Variants in COMMD3 observed in about 807,000 individuals in gnomAD.
COMMD3 encodes COMM domain containing 3.
Under a neutral mutation model 31.2 loss-of-function variants are expected in COMMD3, and 31 were observed. The observed-to-expected ratio is 0.99, with a 90% CI of 0.75 to 1.34. COMMD3 has a LOEUF of 1.34. COMMD3 is among the 40% of genes most tolerant of loss of function. The probability of loss-of-function intolerance (pLI) is 0.00; values close to 1 mark genes in which losing one functional copy is unlikely to be tolerated. For synonymous variants in COMMD3, 108 were observed against 87.3 expected (o/e 1.24, Z -1.32); for missense variants, 274 against 236.9 (o/e 1.16, Z -1.03).
Position 22,318,257 on chromosome 10 carries a change from C to CT in COMMD3, c.316-9dup. On this transcript the variant is annotated splice_polypyrimidine_tract_variant and intron_variant, in intron 3 of 7. Transcript: ENST00000376836. ...TTTTTTTTTCTTTCTTTCTTGCTTT[C>CT]TTTTTTCTCTCCAGAATAATAAGAA... 6.3e-7 allele frequency: 1 copy of CT among 1,599,612 alleles called. No homozygotes were observed. Among genetic ancestry groups the CT allele is most frequent in the Non-Finnish European group, 8.5e-7 (1 of 1,176,198 alleles).
intron 1 of COMMD3, chr10:22,317,674 G>T: frequency 4.9e-6 from 2 of 411,390 alleles, no homozygotes; most frequent in Non-Finnish European, 8.8e-6. Context: ...GTTAATTGAA[G>T]CTAGTAATAG....
chr10:22,318,582 C>A, intron 4 of COMMD3, 71 bp from the exon 5 acceptor site: 2 of 1,372,552 alleles, frequency 1.5e-6, no homozygotes, highest in Non-Finnish European at 1.0e-6. Context: ...TAGAGCCATT[C>A]TTAGTAAATA....
At chr10:22,319,051 T>TTTA in intron 7 of COMMD3, 33 bp downstream of exon 7, 1 of 1,557,642 alleles carries the variant, frequency 6.4e-7, no homozygotes, top group East Asian at 2.3e-5. Context: ...TATTCCTGTC[T>TTTA]TTTTATAAAT....
chr10:22,318,244 T>G (rs760088268), intron 3 of COMMD3, 28 bp from the exon 4 acceptor site: 1 of 1,594,408 alleles, frequency 6.3e-7, no homozygotes, highest in South Asian at 1.2e-5. Context: ...TTTTTTTCTT[T>G]CTTTCTTGCT....
At position 22,319,919 on chromosome 10, in the gene COMMD3, A is replaced by T. The variant is rs1359830599; in HGVS notation, c.529-20A>T. ...CCATGTTTTATCCTAAAAACGTGGT[A>T]TTGTATACACGTCTTTTAGGACTTG... On this transcript the variant is annotated intron_variant, in intron 7 of 7. Transcript: ENST00000376836. 2 of 1,613,642 alleles carry T rather than the reference A, an allele frequency of 1.2e-6. No individual in the cohort carries two copies. The highest frequency in any genetic ancestry group is 2.7e-5 in the African/African-American group (2 of 74,864).
intron 1 of COMMD3, chr10:22,317,420 AT>A (rs1383724076): frequency 6.6e-6 from 1 of 152,372 alleles, no homozygotes; most frequent in Non-Finnish European, 1.5e-5. Context: ...TAATTTTGAA[AT>A]TTGTATCTTA....
At chr10:22,317,692 C>T in intron 1 of COMMD3, 192 bp from the exon 2 acceptor site, 1 of 513,060 alleles carries the variant, frequency 1.9e-6, no homozygotes, top group Non-Finnish European at 3.4e-6. Flanking sequence ...TAGTAGAGTT[C>T]TTGTTGTGTT....
rs1835940268 is a variant in COMMD3, at chr10:22,320,172, G to A, written c.*174G>A. 7 of 1,499,460 alleles carry A rather than the reference G, an allele frequency of 4.7e-6. No homozygotes were observed. Among genetic ancestry groups the A allele is most frequent in the Non-Finnish European group, 6.3e-6 (7 of 1,119,244 alleles). The allele number at this position is 1,499,460 out of a possible 1,614,324, so 92.9% of individuals were successfully genotyped here. On this transcript the variant is annotated 3_prime_UTR_variant, in exon 8 of 8. Coordinates refer to ENST00000376836, the MANE Select transcript of COMMD3 (RefSeq NM_012071.4). Reference sequence around the variant, plus strand: ...TTAAAAACGTGTGAAAGGGTTAAGAGGGAAAGATACTGCCCAAGTATTTGA... The same window carrying A: ...TTAAAAACGTGTGAAAGGGTTAAGAAGGAAAGATACTGCCCAAGTATTTGA...
Position 22,320,192 on chromosome 10 carries a change from A to T in COMMD3, c.*194A>T, listed in dbSNP as rs903189195. The T allele has an allele frequency of 7.0e-7, 1 of 1,433,518 alleles. No homozygotes were observed. Among genetic ancestry groups the T allele is most frequent in the African/African-American group, 1.4e-5 (1 of 69,344 alleles). 88.8% of individuals were successfully genotyped at this position (1,433,518 alleles called of 1,614,324 possible). On this transcript the variant is annotated 3_prime_UTR_variant, in exon 8 of 8. Coordinates refer to ENST00000376836, the MANE Select transcript of COMMD3 (RefSeq NM_012071.4). The stretch of plus-strand genomic sequence containing the variant: ...TAAGAGGGAAAGATACTGCCCAAGT[A>T]TTTGAATCGTTTAGTAGTAACTGTC...
Position 22,320,127 on chromosome 10 carries a change from C to T in COMMD3, c.*129C>T, listed in dbSNP as rs1291370676. ...AAGAATTTTCCTTTTGAATTTATACCATTCATCAATTTTGACACTTTAAAA... is the reference window on the plus strand; with the variant it reads ...AAGAATTTTCCTTTTGAATTTATACTATTCATCAATTTTGACACTTTAAAA... On this transcript the variant is annotated 3_prime_UTR_variant, in exon 8 of 8. Transcript: ENST00000376836. 4.5e-6 allele frequency: 7 copies of T among 1,566,360 alleles called. No individual in the cohort carries two copies. Among genetic ancestry groups the T allele is most frequent in the African/African-American group, 1.4e-5 (1 of 73,650 alleles).
chr10:22,320,184 G>T lies in COMMD3; in HGVS notation c.*186G>T. 1 of 1,456,320 alleles carries T rather than the reference G, an allele frequency of 6.9e-7. No individual in the cohort carries two copies. 90.2% of individuals were successfully genotyped at this position (1,456,320 alleles called of 1,614,324 possible). A position where few individuals can be genotyped will look rare whatever the true frequency, so the allele number is the denominator to read the frequency against. ...GAAAGGGTTAAGAGGGAAAGATACT[G>T]CCCAAGTATTTGAATCGTTTAGTAG... is the stretch of plus-strand genomic sequence containing the variant. On this transcript the variant is annotated 3_prime_UTR_variant, in exon 8 of 8. Coordinates refer to ENST00000376836, the MANE Select transcript of COMMD3 (RefSeq NM_012071.4).
chr10:22,318,213 T>G, intron 3 of COMMD3, 45 bp downstream of exon 3: 1 of 1,593,202 alleles, frequency 6.3e-7, no homozygotes, highest in Non-Finnish European at 8.5e-7. Context: ...ATTTTTCTTT[T>G]ACTTTGTTTG....
rs1835901040 is a variant in COMMD3, at chr10:22,318,704, T to G, written c.402T>G (p.Tyr134Ter). The G allele has an allele frequency of 6.2e-7, 1 of 1,613,294 alleles. No homozygotes were observed. The highest frequency in any genetic ancestry group is 1.3e-5 in the African/African-American group (1 of 74,896). ...HITDVSWRLE[Y>*]QIKTNQLHRM... ...CGGATGTTTCTTGGCGCTTGGAATA[T>G]CAGATAAAGGTAAAGTTTAAGAAAC... is the stretch of plus-strand genomic sequence containing the variant. The change falls in exon 5 of 8, where the codon TAT (tyrosine) becomes TAG (stop). Residue 134 changes from tyrosine to a stop codon, truncating the protein, a stop_gained. Coordinates refer to ENST00000376836, the MANE Select transcript of COMMD3 (RefSeq NM_012071.4). LOFTEE classifies it high-confidence loss of function.
In COMMD3 at chr10:22,316,477, C is replaced by T. The variant is rs1259278003; in HGVS notation, c.60C>T (p.Phe20=). ...GFQMLADPRS[F]DSNAFTLLLR... Reference sequence around the variant, plus strand: ...AGATGCTGGCGGATCCCCGCTCCTTCGACTCCAACGCCTTCACGCTTCTCC... The same window carrying T: ...AGATGCTGGCGGATCCCCGCTCCTTTGACTCCAACGCCTTCACGCTTCTCC... The change falls in exon 1 of 8, where the codon TTC becomes TTT. Residue 20 remains phenylalanine, a synonymous_variant. Coordinates refer to ENST00000376836, the MANE Select transcript of COMMD3 (RefSeq NM_012071.4). 2 of 1,550,608 alleles carry T rather than the reference C, an allele frequency of 1.3e-6. No individual in the cohort carries two copies. Among genetic ancestry groups the T allele is most frequent in the Non-Finnish European group, 1.7e-6 (2 of 1,146,730 alleles).
rs773300487 is a variant in COMMD3, at chr10:22,318,701, A to G, written c.399A>G (p.Glu133=). The G allele has an allele frequency of 2.5e-6, 4 of 1,613,228 alleles. No homozygotes were observed. The East Asian group carries it at 6.7e-5, about 27-fold the overall frequency. Residue 133 remains glutamate (E), a synonymous_variant, in exon 5 of 8, where the codon GAA becomes GAG. Coordinates refer to ENST00000376836, the MANE Select transcript of COMMD3 (RefSeq NM_012071.4). ...TAACGGATGTTTCTTGGCGCTTGGAATATCAGATAAAGGTAAAGTTTAAGA... is the reference window on the plus strand; with the variant it reads ...TAACGGATGTTTCTTGGCGCTTGGAGTATCAGATAAAGGTAAAGTTTAAGA... The part of the protein sequence containing the change: ...PHITDVSWRL[E]YQIKTNQLHR...
intron 7 of COMMD3, 184 bp from the exon 8 acceptor site, chr10:22,319,754 CA>C: frequency 1.6e-6 from 1 of 634,436 alleles, no homozygotes. Context: ...CCGATTTGAA[CA>C]TGAGGTATTT....
In COMMD3 at chr10:22,319,987, A is replaced by AGGGC. The variant is rs1372628985; in HGVS notation, c.577_578insGGGC (p.Thr193ArgfsTer10). 2.8e-5 allele frequency: 45 copies of AGGGC among 1,614,002 alleles called. No individual in the cohort carries two copies. Among genetic ancestry groups the AGGGC allele is most frequent in the Non-Finnish European group, 3.6e-5 (42 of 1,180,010 alleles). On this transcript the variant is annotated frameshift_variant, in exon 8 of 8. Transcript: ENST00000376836. LOFTEE classifies it high-confidence loss of function. Reference sequence around the variant, plus strand: ...TGCTTCGAAAAGCCTGGAAAGAGCAACTCAGTTGTAACTTGGGGAAGTTAA... The same window carrying AGGGC: ...TGCTTCGAAAAGCCTGGAAAGAGCAAGGGCCTCAGTTGTAACTTGGGGAAGTTAA...
At chr10:22,318,540 G>A in intron 4 of COMMD3, 113 bp from the exon 5 acceptor site, 1 of 1,145,802 alleles carries the variant, frequency 8.7e-7, no homozygotes, top group Non-Finnish European at 1.3e-6. Context: ...TTTAAATTCA[G>A]AATGGATTAA....
intron 7 of COMMD3, 27 bp downstream of exon 7, chr10:22,319,045 CCTGT>C: frequency 1.9e-6 from 3 of 1,562,822 alleles, no homozygotes; most frequent in Non-Finnish European, 2.6e-6. Context: ...TATAAATATT[CCTGT>C]CTTTTTATAA....
Sources: gnomAD v4.1 joint callset for allele counts on GRCh38, gnomAD v4.1.1 for gene constraint, MANE v1.5 for transcripts, NCBI Gene and HGNC (gene_info 2026-07-23, HGNC 2026-07-21) for gene names.